The following NAV1 variants were observed in gnomAD, a reference collection of about 807,000 sequenced individuals.
NAV1 encodes the protein neuron navigator 1, also known as pore membrane and/or filament interacting like protein 3.
Under a neutral mutation model 175.2 loss-of-function variants are expected in NAV1, and 18 were observed. The ratio of observed to expected loss-of-function variants is 0.10; its 90% CI spans 0.07 to 0.15. The LOEUF (loss-of-function observed/expected upper bound fraction) is 0.15, where lower values mean the gene tolerates loss of function less well. Among genes scored for constraint, NAV1 ranks in the 10% least tolerant of loss-of-function variants. The pLI is 1.00. For synonymous variants in NAV1, 897 were observed against 978.7 expected, an observed-to-expected ratio of 0.92 and a Z score of 1.56; for missense variants, 1,731 against 2,436.6, an observed-to-expected ratio of 0.71 and a Z score of 6.10.
At chr1:201,541,388 C>T (rs1234930430) in intron 1 of NAV1, among the ~76,000 whole-genome samples, 1 of 152,160 alleles carries the variant, frequency 6.6e-6, no homozygotes, top group African/African-American at 2.4e-5. Context: ...CCCTCAAAAG[C>T]AGTTCATAAA....
At chr1:201,596,684 T>G (rs1301645546) in intron 2 of NAV1, among the ~76,000 whole-genome samples, 3 of 152,196 alleles carry the variant, frequency 2.0e-5, no homozygotes, top group Non-Finnish European at 4.4e-5. Flanking sequence ...ATCTACTATA[T>G]TTACAGGACT....
chr1:201,761,546 C>A (rs1007365801), intron 3 of NAV1, among the ~76,000 whole-genome samples: 5 of 152,168 alleles, frequency 3.3e-5, no homozygotes, highest in Non-Finnish European at 7.3e-5. Flanking sequence ...ACAGGGTGAT[C>A]TGAGATCTGA....
chr1:201,710,163 A>T (rs1473601573), intron 1 of NAV1, among the ~76,000 whole-genome samples: 1 of 3,800 alleles, frequency 2.6e-4, no homozygotes, highest in Non-Finnish European at 6.2e-4. Flanking sequence ...TTTTTCCTTA[A>T]AAAAAAAAAA....
At chr1:201,650,050 C>T (rs887930552) in intron 1 of NAV1, among the ~76,000 whole-genome samples, 1 of 152,242 alleles carries the variant, frequency 6.6e-6, no homozygotes, top group African/African-American at 2.4e-5. Flanking sequence ...ACCTCAGCCC[C>T]GGCTCTGGCC....
At chr1:201,622,958 C>T (rs760140029) in exon 1 of NAV1, 48 of 986,368 alleles carry the variant, frequency 4.9e-5, no homozygotes, top group Non-Finnish European at 5.4e-5. Context: ...CCTCGTGCCT[C>T]TTCCCAGACC....
At chr1:201,795,028 A>G (rs1677354135) in intron 15 of NAV1, 1 of 156,290 alleles carries the variant, frequency 6.4e-6, no homozygotes, top group Admixed American at 6.2e-5. Context: ...ACGTTTAGTA[A>G]CCAGTCAAGC....
chr1:201,806,001 T>C (rs1163296064), intron 17 of NAV1, among the ~76,000 whole-genome samples: 1 of 151,620 alleles, frequency 6.6e-6, no homozygotes, highest in East Asian at 1.9e-4. Flanking sequence ...TTTTTTTTTT[T>C]TGAGGTAGAG....
At chr1:201,695,124 C>T (rs371761445) in intron 1 of NAV1, among the ~76,000 whole-genome samples, 7 of 152,370 alleles carry the variant, frequency 4.6e-5, no homozygotes, top group South Asian at 4.1e-4. Context: ...TAAGTTGCCC[C>T]GGGACCAGCC....
At chr1:201,580,932 T>C (rs992555396) in intron 1 of NAV1, among the ~76,000 whole-genome samples, 4 of 151,990 alleles carry the variant, frequency 2.6e-5, no homozygotes, top group Non-Finnish European at 5.9e-5. Flanking sequence ...ATGGACACGA[T>C]GGTAAAGGGC....
exon 30 of NAV1, chr1:201,826,370 C>T (rs1433210481): frequency 1.3e-5 from 2 of 152,240 alleles, no homozygotes; most frequent in Non-Finnish European, 2.9e-5. Context: ...CTCTAGGCTA[C>T]TGCTGTGCAG....
intron 1 of NAV1, among the ~76,000 whole-genome samples, chr1:201,670,367 C>T (rs991681217): frequency 8.8e-6 from 1 of 114,264 alleles, no homozygotes; most frequent in Non-Finnish European, 1.6e-5. Context: ...GGCGACAGAG[C>T]GAGACTCCAT....
At chr1:201,799,002 A>G (rs1292837691) in intron 15 of NAV1, among the ~76,000 whole-genome samples, 1 of 151,912 alleles carries the variant, frequency 6.6e-6, no homozygotes, top group Non-Finnish European at 1.5e-5. Flanking sequence ...GTGTCCAGCC[A>G]CTGTTCATTT....
chr1:201,568,032 C>T (rs943394160), intron 1 of NAV1, among the ~76,000 whole-genome samples: 1 of 152,138 alleles, frequency 6.6e-6, no homozygotes, highest in Non-Finnish European at 1.5e-5. Context: ...GTACATAAAC[C>T]ACCTGTGAGT....
intron 1 of NAV1, among the ~76,000 whole-genome samples, chr1:201,624,336 CTTTTTTTTTTTTTTT>C (rs1188885818): frequency 1.3e-5 from 1 of 79,444 alleles, no homozygotes; most frequent in Non-Finnish European, 2.2e-5. Context: ...GTCAACTACG[CTTTTTTTTTTTTTTT>C]TTTTTTTTTT....
chr1:201,607,121 T>C lies in NAV1; in HGVS notation c.-32-15732T>C, dbSNP rs566968900. ...GTGGTCAAATAATTTTTTTCTTTTT[T>C]TTTTTTTTTTTTGAGATGGAGTCTC... On this transcript the variant is annotated intron_variant, in intron 2 of 33. Coordinates refer to the NAV1 transcript ENST00000685211. Among the ~76,000 whole-genome samples, 8 of 138,520 alleles carry C rather than the reference T, an allele frequency of 5.8e-5. No individual in the cohort carries two copies. The South Asian group carries it at 1.9e-3, about 32-fold the overall frequency. 90.9% of individuals were successfully genotyped at this position (138,520 alleles called of 152,430 possible).
At chr1:201,566,215 T>C (rs1666352441) in intron 1 of NAV1, among the ~76,000 whole-genome samples, 1 of 152,150 alleles carries the variant, frequency 6.6e-6, no homozygotes, top group Non-Finnish European at 1.5e-5. Flanking sequence ...GGCATTTCTC[T>C]TGCAGGCTCT....
intron 29 of NAV1, among the ~76,000 whole-genome samples, chr1:201,819,183 A>C (rs1406084741): frequency 1.3e-5 from 2 of 152,180 alleles, no homozygotes; most frequent in Non-Finnish European, 2.9e-5. Context: ...AGCATTTCTC[A>C]CATTCCTCCC....
intron 28 of NAV1, among the ~76,000 whole-genome samples, chr1:201,814,319 A>G (rs1045179193): frequency 9.2e-5 from 14 of 151,606 alleles, no homozygotes; most frequent in Non-Finnish European, 2.1e-4. Flanking sequence ...ACAGTGAGCC[A>G]TGTTCTCACC....
At chr1:201,721,555 C>G (rs2102492779) in intron 3 of NAV1, among the ~76,000 whole-genome samples, 1 of 152,334 alleles carries the variant, frequency 6.6e-6, no homozygotes, top group Non-Finnish European at 1.5e-5. Context: ...ACTGTGGTTT[C>G]CATCTAGATG....
Sources: gnomAD v4.1 joint callset for allele counts (sites outside exome capture counted in the v4.1 genomes callset) on GRCh38, gnomAD v4.1.1 for gene constraint, MANE v1.5 for transcripts, NCBI Gene and HGNC (gene_info 2026-07-23, HGNC 2026-07-21) for gene names.